Variants in OS9 observed in about 807,000 individuals in gnomAD.
OS9 encodes the protein protein OS-9.
In OS9, 58 loss-of-function variants were observed where a neutral mutation model predicts 84.7. The ratio of observed to expected loss-of-function variants is 0.68; its 90% CI spans 0.55 to 0.85. The LOEUF is 0.85. Among genes scored for constraint, OS9 ranks in the 40% least tolerant of loss-of-function variants. The pLI, the probability that OS9 is intolerant of heterozygous loss-of-function variation, is 0.00. For synonymous variants in OS9, 278 were observed against 320.8 expected, an observed-to-expected ratio of 0.87 and a Z score of 1.43; for missense variants, 760 against 850.9, an observed-to-expected ratio of 0.89 and a Z score of 1.33.
chr12:57,699,666 G>A (rs551765718), intron 5 of OS9, among the ~76,000 whole-genome samples: 4 of 152,310 alleles, frequency 2.6e-5, no homozygotes, highest in South Asian at 2.1e-4. Flanking sequence ...AGAGCCAGAT[G>A]GAAAGTATAA....
intron 5 of OS9, among the ~76,000 whole-genome samples, chr12:57,711,061 A>AG (rs1954313578): frequency 6.9e-6 from 1 of 144,378 alleles, no homozygotes; most frequent in African/African-American, 2.5e-5. Flanking sequence ...AAAAAAAAAA[A>AG]GAGAAAAATA....
At chr12:57,697,924 TACACACACACACACACACACAC>T (rs61407014) in intron 5 of OS9, among the ~76,000 whole-genome samples, 1 of 91,548 alleles carries the variant, frequency 1.1e-5, no homozygotes, top group African/African-American at 4.0e-5. Context: ...CACACACACA[TACACACACACACACACACACAC>T]ACACACACAC....
At chr12:57,696,507 T>C (rs1953849162) in intron 5 of OS9, 134 bp downstream of exon 5, 1 of 536,938 alleles carries the variant, frequency 1.9e-6, no homozygotes, top group Admixed American at 3.3e-5. Context: ...GTTTAAAACA[T>C]ATTTCCAGCC....
At chr12:57,719,257 G>C in intron 12 of OS9, 75 bp downstream of exon 12, 1 of 1,323,240 alleles carries the variant, frequency 7.6e-7, no homozygotes, top group Non-Finnish European at 1.1e-6. Flanking sequence ...TCCCAGAGGG[G>C]ACCCTGTTCC....
intron 5 of OS9, among the ~76,000 whole-genome samples, chr12:57,713,817 C>A (rs533525525): frequency 3.9e-4 from 59 of 151,470 alleles, no homozygotes; most frequent in African/African-American, 1.2e-3. Flanking sequence ...TCAAGTGCTG[C>A]AAATTCTCAC....
intron 12 of OS9, 56 bp downstream of exon 12, chr12:57,719,238 T>A (rs1436648749): frequency 6.6e-7 from 1 of 1,506,076 alleles, no homozygotes; most frequent in Non-Finnish European, 9.2e-7. Flanking sequence ...ATCCCTCAGC[T>A]GGTTCTGTTC....
At chr12:57,715,357 C>T (rs1466404064) in intron 5 of OS9, among the ~76,000 whole-genome samples, 1 of 151,830 alleles carries the variant, frequency 6.6e-6, no homozygotes, top group Non-Finnish European at 1.5e-5. Flanking sequence ...AGTGAGACTC[C>T]ATCTCAAAAA....
intron 5 of OS9, among the ~76,000 whole-genome samples, chr12:57,705,741 G>T (rs1171096840): frequency 6.6e-6 from 1 of 152,064 alleles, no homozygotes; most frequent in Admixed American, 6.6e-5. Context: ...GGCCAGGCTA[G>T]TCTCAAACTC....
At chr12:57,710,432 T>C (rs1416385238) in intron 5 of OS9, among the ~76,000 whole-genome samples, 1 of 152,182 alleles carries the variant, frequency 6.6e-6, no homozygotes, top group African/African-American at 2.4e-5. Flanking sequence ...TACTAGTTTT[T>C]TCAAAGAAAC....
At chr12:57,703,225 A>G (rs2097224757) in intron 5 of OS9, among the ~76,000 whole-genome samples, 1 of 152,026 alleles carries the variant, frequency 6.6e-6, no homozygotes, top group Admixed American at 6.6e-5. Context: ...CAAGAGTTTT[A>G]TAGTTTTAGC....
intron 5 of OS9, among the ~76,000 whole-genome samples, chr12:57,711,188 G>A (rs1214566891): frequency 6.6e-6 from 1 of 151,472 alleles, no homozygotes; most frequent in East Asian, 1.9e-4. Flanking sequence ...CAGCCTTTTT[G>A]TGTGATTACA....
rs199732562 is a variant in OS9, at chr12:57,719,964, G to T, written c.1601-135G>T. On this transcript the variant is annotated intron_variant, in intron 12 of 14. Coordinates refer to ENST00000315970, the MANE Select transcript of OS9 (RefSeq NM_006812.4). ...AGGGGCGGGGCACACATTTTTTTGAGCCCTGGCTCATATACATGTTGAGAT... is the reference window on the plus strand; with the variant it reads ...AGGGGCGGGGCACACATTTTTTTGATCCCTGGCTCATATACATGTTGAGAT... 8.7e-6 allele frequency: 7 copies of T among 803,728 alleles called. No homozygotes were observed. In the East Asian group the frequency reaches 1.7e-4, roughly 20 times the overall value. 49.8% of individuals were successfully genotyped at this position (803,728 alleles called of 1,614,324 possible).
In OS9 at chr12:57,718,239, C is replaced by T; in HGVS notation, c.1228C>T (p.Gln410Ter). 6.2e-7 allele frequency: 1 copy of T among 1,613,984 alleles called. No individual in the cohort carries two copies. Among genetic ancestry groups the T allele is most frequent in the African/African-American group, 1.3e-5 (1 of 74,964 alleles). Residue 410 changes from glutamine to a stop codon, truncating the protein, a stop_gained, in exon 11 of 15, where the codon CAG (glutamine) becomes TAG (stop). Transcript: ENST00000315970. LOFTEE classifies it high-confidence loss of function. The stretch of plus-strand genomic sequence containing the variant: ...GAAGGAAAGGGGTGATCCAGAACGG[C>T]AGAGAGAGATGGAAGAAGAGGAGGA... ...PEKERGDPERQREMEEEEDED... is the reference protein window; with the variant it reads ...PEKERGDPER
chr12:57,717,588 T>C, intron 9 of OS9, among the ~76,000 whole-genome samples: 1 of 148,330 alleles, frequency 6.7e-6, no homozygotes, highest in African/African-American at 2.5e-5. Context: ...AGGTCAAGAG[T>C]TCAAGACAAA....
intron 5 of OS9, among the ~76,000 whole-genome samples, 193 bp downstream of exon 5, chr12:57,696,566 C>A (rs889253979): frequency 6.6e-6 from 1 of 151,354 alleles, no homozygotes; most frequent in Non-Finnish European, 1.5e-5. Flanking sequence ...GAGGCCGAGG[C>A]GGGCAGATCA....
Position 57,696,069 on chromosome 12 carries a change from G to C in OS9, c.480+31G>C, listed in dbSNP as rs1565764980. The C allele has an allele frequency of 4.6e-6, 7 of 1,533,970 alleles. No homozygotes were observed. The African/African-American group carries it at 5.4e-5, about 12-fold the overall frequency. ...AAGAGTGTGGGATTCAGGAAGAAAG[G>C]GTTCTGGCCACCGGCTGAGAGCCCT... is the stretch of plus-strand genomic sequence containing the variant. On this transcript the variant is annotated intron_variant, in intron 4 of 14. Transcript: ENST00000315970.
chr12:57,698,133 T>C (rs1248398187), intron 5 of OS9, among the ~76,000 whole-genome samples: 1 of 152,196 alleles, frequency 6.6e-6, no homozygotes, highest in Admixed American at 6.5e-5. Flanking sequence ...CCACAGCTCC[T>C]GGAACAGTGC....
rs1162452044 is a variant in OS9, at chr12:57,720,127, C to T, written c.1629C>T (p.Val543=). ...AGGATCCTGAGCACAGAGTCCGGGT[C>T]CGGGTCACCAAGCTCCGTCTCGGAG... ...TEEDPEHRVR[V]RVTKLRLGGP... Residue 543 remains valine, a synonymous_variant, in exon 13 of 15, where the codon GTC becomes GTT. Transcript: ENST00000315970. The T allele has an allele frequency of 6.2e-7, 1 of 1,614,098 alleles. No homozygotes were observed. The highest frequency in any genetic ancestry group is 1.1e-5 in the South Asian group (1 of 91,082).
chr12:57,706,846 G>GAAA lies in OS9; in HGVS notation c.580-8893_580-8891dup, dbSNP rs11423380. On this transcript the variant is annotated intron_variant, in intron 5 of 14. Transcript: ENST00000315970. ...CCTGGGTGACAGAGCATGACTCTCT[G>GAAA]AAAAAAAAAAAAAAAAAAAAAAAGT... 4.4e-3 allele frequency among the ~76,000 whole-genome samples: 184 copies of GAAA among 41,626 alleles called. 7 individuals carry two copies. Among genetic ancestry groups the GAAA allele is most frequent in the African/African-American group, 5.1e-3 (54 of 10,558 alleles). 27.3% of individuals were successfully genotyped at this position (41,626 alleles called of 152,430 possible).
Sources: allele counts gnomAD v4.1 joint callset (sites outside exome capture counted in the v4.1 genomes callset), GRCh38; gene constraint gnomAD v4.1.1; transcripts MANE v1.5; gene names NCBI Gene and HGNC (gene_info 2026-07-23, HGNC 2026-07-21).